The following GSTA3 variants were observed in gnomAD, a reference collection of about 807,000 sequenced individuals.
GSTA3 encodes glutathione S-transferase alpha 3.
GSTA3 carries 16 observed loss-of-function variants against 23.1 expected under a neutral mutation model. That is an observed-to-expected ratio of 0.69 (90% CI 0.47 to 1.05). The LOEUF (loss-of-function observed/expected upper bound fraction) is 1.05. GSTA3 is among the 50% of genes least tolerant of loss of function. GSTA3 has a pLI of 0.00. For synonymous variants in GSTA3, 122 were observed against 91.0 expected (o/e 1.34, Z -1.94); for missense variants, 319 against 263.6 (o/e 1.21, Z -1.46).
Position 52,896,863 on chromosome 6 carries a change from C to T in GSTA3, c.612G>A (p.Arg204=), listed in dbSNP as rs748414987. Residue 204 remains arginine (R), a synonymous_variant, in exon 7 of 7, where the codon AGG becomes AGA. Transcript: ENST00000211122. ...AAGCTTTTGCATCTGCGGGAGGCTT[C>T]CTTGGGCTGCCAGGCTGTAGAAACT... ...VKKFLQPGSP[R]KPPADAKALE... 3.7e-6 allele frequency: 6 copies of T among 1,614,112 alleles called. No homozygotes were observed. The East Asian group carries it at 1.3e-4, about 36-fold the overall frequency.
chr6:52,902,212 C>T lies in GSTA3; in HGVS notation c.272+134G>A, dbSNP rs1267181645. The T allele has an allele frequency of 3.9e-6, 4 of 1,019,606 alleles. No homozygotes were observed. The Admixed American group carries it at 8.7e-5, about 22-fold the overall frequency. The allele number at this position is 1,019,606 out of a possible 1,614,324, so 63.2% of individuals were successfully genotyped here. A position where few individuals can be genotyped will look rare whatever the true frequency, so the allele number is the denominator to read the frequency against. On this transcript the variant is annotated intron_variant, in intron 4 of 6. Coordinates refer to ENST00000211122, the MANE Select transcript of GSTA3 (RefSeq NM_000847.5). ...CTCATCCCCATGGGACTCTGCAATA[C>T]TGGACCTCAGTATACACGCCCAAGG...
At chr6:52,909,403 A>T (rs1325781775) in intron 1 of GSTA3, among the ~76,000 whole-genome samples, 1 of 151,810 alleles carries the variant, frequency 6.6e-6, no homozygotes, top group Non-Finnish European at 1.5e-5. Flanking sequence ...CAATGATACC[A>T]CTCTTACTTT....
chr6:52,897,820 G>C lies in GSTA3; in HGVS notation c.546+5C>G. ...TGTCTCTCTGAGGGCTGTGAAATGG[G>C]TCACCTTCAGCAGAGGGAAGTTGGA... On this transcript the variant is annotated splice_donor_5th_base_variant and intron_variant, in intron 6 of 6. Transcript: ENST00000211122. 6.2e-7 allele frequency: 1 copy of C among 1,613,324 alleles called. No individual in the cohort carries two copies. The highest frequency in any genetic ancestry group is 8.5e-7 in the Non-Finnish European group (1 of 1,179,678).
chr6:52,899,803 A>C (rs1271077013), intron 5 of GSTA3, 131 bp downstream of exon 5: 1 of 829,022 alleles, frequency 1.2e-6, no homozygotes, highest in African/African-American at 1.7e-5. Flanking sequence ...ATGCCTTGAG[A>C]GTCAGAGAGC....
At chr6:52,907,055 A>G (rs1335945464) in intron 1 of GSTA3, among the ~76,000 whole-genome samples, 1 of 149,934 alleles carries the variant, frequency 6.7e-6, no homozygotes, top group Non-Finnish European at 1.5e-5. Context: ...AATTTTCGCA[A>G]CCTACTTATC....
intron 2 of GSTA3, among the ~76,000 whole-genome samples, chr6:52,905,282 C>G (rs1050347985): frequency 2.6e-5 from 4 of 152,112 alleles, no homozygotes; most frequent in Non-Finnish European, 5.9e-5. Context: ...TGAAACAAAT[C>G]TGAGGTATCA....
At chr6:52,901,362 A>G (rs919536367) in intron 4 of GSTA3, among the ~76,000 whole-genome samples, 6 of 152,226 alleles carry the variant, frequency 3.9e-5, no homozygotes, top group African/African-American at 1.4e-4. Context: ...GACATTTCAT[A>G]CACACAATCC....
At position 52,902,344 on chromosome 6, in the gene GSTA3, A is replaced by G; in HGVS notation, c.272+2T>C. ...GATGGAAGAACACAAAATATACCGT[A>G]CAGGGCTCTCTCCTTTATGTCTTTC... On this transcript the variant is annotated splice_donor_variant, in intron 4 of 6. Transcript: ENST00000211122. LOFTEE classifies it high-confidence loss of function. 1.2e-6 allele frequency: 2 copies of G among 1,613,690 alleles called. No homozygotes were observed. The highest frequency in any genetic ancestry group is 1.7e-6 in the Non-Finnish European group (2 of 1,179,724).
rs187492458 is a variant in GSTA3, at chr6:52,902,881, A to G, written c.140-403T>C. Among the ~76,000 whole-genome samples, 505 of 152,314 alleles carry G rather than the reference A, an allele frequency of 3.3e-3. 4 individuals carry two copies. Among genetic ancestry groups the G allele is most frequent in the African/African-American group, 9.6e-3 (398 of 41,582 alleles). On this transcript the variant is annotated intron_variant, in intron 3 of 6. Coordinates refer to ENST00000211122, the MANE Select transcript of GSTA3 (RefSeq NM_000847.5). ...CCTTTAAAGTAGGTTCTGAGACACA[A>G]TTTTATGCAGAGGTCCCTTTCTGTG...
chr6:52,898,276 C>G (rs1316568330), intron 5 of GSTA3, among the ~76,000 whole-genome samples: 4 of 152,150 alleles, frequency 2.6e-5, no homozygotes, highest in African/African-American at 9.7e-5. Flanking sequence ...GCCCCAGGCC[C>G]TACAGCGTGT....
At chr6:52,908,754 G>A (rs1163833852) in intron 1 of GSTA3, among the ~76,000 whole-genome samples, 2 of 152,130 alleles carry the variant, frequency 1.3e-5, no homozygotes. Flanking sequence ...CATATAGAAG[G>A]AATGTGCATG....
intron 4 of GSTA3, among the ~76,000 whole-genome samples, chr6:52,900,636 A>G (rs1301533661): frequency 1.3e-5 from 2 of 152,224 alleles, no homozygotes; most frequent in Non-Finnish European, 2.9e-5. Context: ...GACCAAATAC[A>G]GGTACAAAGA....
chr6:52,903,162 T>A (rs896564730), intron 3 of GSTA3, among the ~76,000 whole-genome samples: 1 of 151,456 alleles, frequency 6.6e-6, no homozygotes, highest in Non-Finnish European at 1.5e-5. Context: ...CTCTGAGAGG[T>A]CTGGCCTTTT....
chr6:52,897,174 A>G (rs45518041), intron 6 of GSTA3, among the ~76,000 whole-genome samples: 1,937 of 152,350 alleles, frequency 0.013, 21 homozygotes, highest in Middle Eastern at 0.041. Context: ...TTCTCCTTAC[A>G]TATCAATCCT....
At chr6:52,897,223 T>C (rs1314711018) in intron 6 of GSTA3, among the ~76,000 whole-genome samples, 1 of 152,230 alleles carries the variant, frequency 6.6e-6, no homozygotes, top group African/African-American at 2.4e-5. Flanking sequence ...GAAAAAATAA[T>C]GTGCCTGTGA....
Position 52,903,718 on chromosome 6 carries a change from T to C in GSTA3, c.97A>G (p.Lys33Glu). Residue 33 changes from lysine (K) to glutamate (E), a missense_variant, in exon 3 of 7, where the codon AAA becomes GAA. Coordinates refer to ENST00000211122, the MANE Select transcript of GSTA3 (RefSeq NM_000847.5). ...LAAAGVEFEE[K>E]FIGSAEDLGK... Reference sequence around the variant, plus strand: ...AAATCTTCTGCAGATCCTATAAATTTCTCTTCAAACTGGAAGCAGAAACAG... The same window carrying C: ...AAATCTTCTGCAGATCCTATAAATTCCTCTTCAAACTGGAAGCAGAAACAG... 1 of 1,591,020 alleles carries C rather than the reference T, an allele frequency of 6.3e-7. No homozygotes were observed. Among genetic ancestry groups the C allele is most frequent in the South Asian group, 1.1e-5 (1 of 90,468 alleles).
At chr6:52,905,882 T>C in intron 1 of GSTA3, 27 bp from the exon 2 acceptor site, 1 of 1,122,898 alleles carries the variant, frequency 8.9e-7, no homozygotes. Flanking sequence ...AATGCATGAA[T>C]GGATGAATGA....
chr6:52,905,919 C>G (rs1218239747), intron 1 of GSTA3, 64 bp from the exon 2 acceptor site: 3 of 733,432 alleles, frequency 4.1e-6, no homozygotes, highest in Non-Finnish European at 7.1e-6. Flanking sequence ...AAAATGCACG[C>G]TAGTATATGA....
At chr6:52,906,908 G>A (rs1765907915) in intron 1 of GSTA3, among the ~76,000 whole-genome samples, 1 of 150,832 alleles carries the variant, frequency 6.6e-6, no homozygotes, top group Non-Finnish European at 1.5e-5. Flanking sequence ...CATGGGCAAG[G>A]ACTTCATGTC....
Sources: gnomAD v4.1 joint callset for allele counts (sites outside exome capture counted in the v4.1 genomes callset) on GRCh38, gnomAD v4.1.1 for gene constraint, MANE v1.5 for transcripts, NCBI Gene and HGNC (gene_info 2026-07-23, HGNC 2026-07-21) for gene names.